DPYSL2: variants seen among roughly 807,000 people sequenced by gnomAD.
DPYSL2 encodes dihydropyrimidinase like 2, also known as dihydropyrimidinase-related protein 2.
Under a neutral mutation model 69.9 loss-of-function variants are expected in DPYSL2, and 13 were observed. The ratio of observed to expected loss-of-function variants is 0.19; its 90% CI spans 0.12 to 0.30. The LOEUF (loss-of-function observed/expected upper bound fraction) is 0.30. DPYSL2 is among the 10% of genes least tolerant of loss of function. The pLI, the probability that DPYSL2 is intolerant of heterozygous loss-of-function variation, is 1.00. For missense variants in DPYSL2, 587 were observed against 918.9 expected (o/e 0.64, Z 4.67); for synonymous variants, 326 against 359.1 (o/e 0.91, Z 1.04).
At position 26,627,973 on chromosome 8, in the gene DPYSL2, G is replaced by A. The variant is rs750987494; in HGVS notation, c.1005+33G>A. 32 of 1,606,100 alleles carry A rather than the reference G, an allele frequency of 2.0e-5. No individual in the cohort carries two copies. The highest frequency in any genetic ancestry group is 2.5e-5 in the Non-Finnish European group (29 of 1,176,612). The stretch of plus-strand genomic sequence containing the variant: ...TTCACCAAGCGGAATGCGTGAATCA[G>A]TGTCCCTTGGGCACTGTGCAGAGCC... On this transcript the variant is annotated intron_variant, in intron 7 of 13. Transcript: ENST00000521913. This position sits in a 1 kb window ranked among gnomAD's most constrained non-coding sequence, Gnocchi z 6.9.
At chr8:26,556,996 G>C (rs1800998896) in intron 1 of DPYSL2, among the ~76,000 whole-genome samples, 1 of 152,114 alleles carries the variant, frequency 6.6e-6, no homozygotes, top group African/African-American at 2.4e-5. Flanking sequence ...TTCAACAAAT[G>C]ATGCTGGAAC....
intron 7 of DPYSL2, among the ~76,000 whole-genome samples, chr8:26,629,629 G>C (rs1337228320): frequency 3.3e-5 from 5 of 152,272 alleles, no homozygotes. Context: ...CCCTGTGTCA[G>C]CTGAGGGAAG....
chr8:26,552,507 A>C (rs373063431), intron 1 of DPYSL2, among the ~76,000 whole-genome samples: 9 of 152,356 alleles, frequency 5.9e-5, no homozygotes, highest in African/African-American at 7.2e-5. Flanking sequence ...GTTGCTATAA[A>C]TGAGTACCTG....
rs115603204 is a variant in DPYSL2 at position 26,587,105 on chromosome 8, C to A, written c.628+3122C>A. 6.6e-6 allele frequency among the ~76,000 whole-genome samples: 1 copy of A among 152,116 alleles called. No homozygotes were observed. The highest frequency in any genetic ancestry group is 1.5e-5 in the Non-Finnish European group (1 of 68,026). On this transcript the variant is annotated intron_variant, in intron 3 of 13. Coordinates refer to ENST00000521913, the MANE Select transcript of DPYSL2 (RefSeq NM_001197293.3). The surrounding 1 kb of genome is among the most constrained non-coding windows in gnomAD (Gnocchi z 4.2). The stretch of plus-strand genomic sequence containing the variant: ...TTTTTATCCTTTTTCTGTTTGCTGA[C>A]CAGACGTTCTGCATTGCTTTAAGTG...
chr8:26,647,689 A>G lies in DPYSL2; in HGVS notation c.1485A>G (p.Lys495=), dbSNP rs541145313. ...FVAVTSTNAA[K]VFNLYPRKGR... ...CTGTGACCAGCACCAATGCAGCCAAAGTCTTCAACCTTTACCCCCGGAAAG... is the reference window on the plus strand; with the variant it reads ...CTGTGACCAGCACCAATGCAGCCAAGGTCTTCAACCTTTACCCCCGGAAAG... Residue 495 remains lysine, a synonymous_variant, in exon 11 of 14, where the codon AAA becomes AAG. Transcript: ENST00000521913. The surrounding 1 kb of genome is among the most constrained non-coding windows in gnomAD (Gnocchi z 5.1). The G allele has an allele frequency of 1.2e-6, 2 of 1,614,192 alleles. No homozygotes were observed. The highest frequency in any genetic ancestry group is 1.1e-5 in the South Asian group (1 of 91,080).
At chr8:26,589,368 T>A (rs918688938) in intron 3 of DPYSL2, among the ~76,000 whole-genome samples, 14 of 152,224 alleles carry the variant, frequency 9.2e-5, no homozygotes, top group African/African-American at 3.1e-4. Context: ...GGCCCCTCTG[T>A]CTCTTACATT....
At chr8:26,531,299 G>A (rs1800507838) in intron 1 of DPYSL2, among the ~76,000 whole-genome samples, 1 of 152,092 alleles carries the variant, frequency 6.6e-6, no homozygotes, top group African/African-American at 2.4e-5. Context: ...CCTGTGGAAG[G>A]GCAGCTCGGG....
intron 1 of DPYSL2, among the ~76,000 whole-genome samples, chr8:26,568,699 TA>T (rs1801190527): frequency 3.4e-5 from 4 of 116,678 alleles, no homozygotes; most frequent in African/African-American, 1.6e-4. Flanking sequence ...CGGATTCTTT[TA>T]AGAGATGAAA....
chr8:26,532,837 T>C (rs766526047), intron 1 of DPYSL2, among the ~76,000 whole-genome samples: 14 of 152,264 alleles, frequency 9.2e-5, no homozygotes, highest in Non-Finnish European at 1.0e-4. Context: ...TGAATATTCA[T>C]GGTAGAATCT....
Position 26,610,567 on chromosome 8 carries a change from G to A in DPYSL2, c.629-13576G>A, listed in dbSNP as rs892748394. On this transcript the variant is annotated intron_variant, in intron 3 of 13. Transcript: ENST00000521913. The surrounding 1 kb of genome is among the most constrained non-coding windows in gnomAD (Gnocchi z 4.5). ...AGTGACTCAAAGTTCCATGCCTGGG[G>A]CCCTCCACCCTCCTTCCCTCAATCA... 9.9e-5 allele frequency among the ~76,000 whole-genome samples: 15 copies of A among 152,140 alleles called. No individual in the cohort carries two copies. Among genetic ancestry groups the A allele is most frequent in the East Asian group, 7.7e-4 (4 of 5,164 alleles).
rs527519685 is a variant in DPYSL2 at position 26,593,104 on chromosome 8, C to G, written c.628+9121C>G. ...AAATTAGAGTTCTTTCTGGTTAACC[C>G]ATTTGGGAGGTAGCTTTCTTTGAAT... On this transcript the variant is annotated intron_variant, in intron 3 of 13. Coordinates refer to ENST00000521913, the MANE Select transcript of DPYSL2 (RefSeq NM_001197293.3). This position sits in a 1 kb window ranked among gnomAD's most constrained non-coding sequence, Gnocchi z 5.7. Among the ~76,000 whole-genome samples, 1 of 152,210 alleles carries G rather than the reference C, an allele frequency of 6.6e-6. No individual in the cohort carries two copies. Among genetic ancestry groups the G allele is most frequent in the Non-Finnish European group, 1.5e-5 (1 of 68,010 alleles).
chr8:26,643,298 A>G lies in DPYSL2; in HGVS notation c.1127-141A>G. 1 of 889,834 alleles carries G rather than the reference A, an allele frequency of 1.1e-6. No homozygotes were observed. Among genetic ancestry groups the G allele is most frequent in the East Asian group, 2.8e-5 (1 of 35,384 alleles). The allele number at this position is 889,834 out of a possible 1,614,324, so 55.1% of individuals were successfully genotyped here. A position where few individuals can be genotyped will look rare whatever the true frequency, so the allele number is the denominator to read the frequency against. On this transcript the variant is annotated intron_variant, in intron 8 of 13. Coordinates refer to ENST00000521913, the MANE Select transcript of DPYSL2 (RefSeq NM_001197293.3). This position sits in a 1 kb window ranked among gnomAD's most constrained non-coding sequence, Gnocchi z 6.5. ...AATTTCTCCAAGTCTCAGTTTCCTC[A>G]TCTGCGAGATGAGCCTGATATTTCC...
chr8:26,601,834 T>C (rs572840100), intron 3 of DPYSL2, among the ~76,000 whole-genome samples: 1 of 152,362 alleles, frequency 6.6e-6, no homozygotes, highest in South Asian at 2.1e-4. Context: ...TTGACATTTA[T>C]ATATATTTTA....
rs879645338 is a variant in DPYSL2, at chr8:26,626,900, C to G, written c.855+222C>G. 6.6e-6 allele frequency among the ~76,000 whole-genome samples: 1 copy of G among 152,172 alleles called. No individual in the cohort carries two copies. Among genetic ancestry groups the G allele is most frequent in the Non-Finnish European group, 1.5e-5 (1 of 68,036 alleles). On this transcript the variant is annotated intron_variant, in intron 5 of 13. Transcript: ENST00000521913. This position sits in a 1 kb window ranked among gnomAD's most constrained non-coding sequence, Gnocchi z 4.3. ...CCGCCCTGGATCTGAGGCTCTGCCC[C>G]GCACGGCGTGTGTGGGAGCGGCACT...
chr8:26,570,741 G>GAAAAAAAA (rs572040580), intron 1 of DPYSL2, among the ~76,000 whole-genome samples: 12 of 108,284 alleles, frequency 1.1e-4, no homozygotes, highest in East Asian at 2.9e-4. Context: ...CTTAGAAAAG[G>GAAAAAAAA]AAAAAAAAAA....
rs147406457 is a variant in DPYSL2, at chr8:26,647,167, T to A, written c.1426-463T>A. ...GTTGCAAAGATAGTACAGAGAGAGGTCCCGGGTACCCTTCACCCAGTTTCC... is the reference window on the plus strand; with the variant it reads ...GTTGCAAAGATAGTACAGAGAGAGGACCCGGGTACCCTTCACCCAGTTTCC... On this transcript the variant is annotated intron_variant, in intron 10 of 13. Transcript: ENST00000521913. This position sits in a 1 kb window ranked among gnomAD's most constrained non-coding sequence, Gnocchi z 5.1. 0.014 allele frequency among the ~76,000 whole-genome samples: 2,105 copies of A among 152,188 alleles called. 21 individuals carry two copies. Among genetic ancestry groups the A allele is most frequent in the Non-Finnish European group, 0.021 (1,423 of 67,994 alleles).
chr8:26,555,358 T>A (rs1800928340), intron 1 of DPYSL2, among the ~76,000 whole-genome samples: 1 of 152,036 alleles, frequency 6.6e-6, no homozygotes, highest in Admixed American at 6.6e-5. Flanking sequence ...TCCCAAAGAA[T>A]CAACTACAAT....
chr8:26,638,373 G>C (rs1745639534), intron 8 of DPYSL2, among the ~76,000 whole-genome samples: 1 of 152,202 alleles, frequency 6.6e-6, no homozygotes, highest in African/African-American at 2.4e-5. Context: ...CCTGGGAGGA[G>C]TAGTAATGTC....
chr8:26,530,625 T>A (rs1368126970), intron 1 of DPYSL2, among the ~76,000 whole-genome samples: 1 of 152,208 alleles, frequency 6.6e-6, no homozygotes, highest in Non-Finnish European at 1.5e-5. Flanking sequence ...TGTCCTTCCT[T>A]CTGGCCATTT....
Sources: allele counts gnomAD v4.1 joint callset (sites outside exome capture counted in the v4.1 genomes callset), GRCh38; gene constraint gnomAD v4.1.1; non-coding constraint Gnocchi (gnomAD v3.1); transcripts MANE v1.5; gene names NCBI Gene and HGNC (gene_info 2026-07-23, HGNC 2026-07-21).